Variants in TUSC3 observed in about 807,000 individuals in gnomAD.
TUSC3 encodes dolichyl-diphosphooligosaccharide--protein glycosyltransferase subunit TUSC3.
In TUSC3, 45 loss-of-function variants were observed where a neutral mutation model predicts 44.8. The ratio of observed to expected loss-of-function variants is 1.00; its 90% CI spans 0.79 to 1.29. The LOEUF (loss-of-function observed/expected upper bound fraction) is 1.29, where lower values mean the gene tolerates loss of function less well. TUSC3 is among the 50% of genes most tolerant of loss of function. The pLI is 0.00. For synonymous variants in TUSC3, 212 were observed against 152.9 expected (o/e 1.39, Z -2.85); for missense variants, 519 against 437.9 (o/e 1.19, Z -1.65).
intron 2 of TUSC3, among the ~76,000 whole-genome samples, chr8:15,640,883 G>A (rs1044886487): frequency 6.6e-6 from 1 of 152,108 alleles, no homozygotes; most frequent in African/African-American, 2.4e-5. Context: ...GGTTTTTCCT[G>A]TTAATCTGTG....
intron 5 of TUSC3, 132 bp downstream of exon 5, chr8:15,662,428 C>T (rs1464831834): frequency 1.5e-6 from 2 of 1,290,932 alleles, no homozygotes; most frequent in African/African-American, 1.5e-5. Flanking sequence ...CTTTTTAGAA[C>T]TTGGATAATT....
intron 1 of TUSC3, among the ~76,000 whole-genome samples, chr8:15,463,436 A>C (rs370586344): frequency 2.3e-4 from 35 of 152,126 alleles, no homozygotes; most frequent in Middle Eastern, 3.2e-3. Context: ...TTAAAAGATA[A>C]TGTTTATTAC....
intron 1 of TUSC3, among the ~76,000 whole-genome samples, chr8:15,574,788 A>T (rs1803026789): frequency 6.6e-6 from 1 of 152,114 alleles, no homozygotes; most frequent in Admixed American, 6.6e-5. Flanking sequence ...GCTAGATGTT[A>T]CTCTTTATGT....
chr8:15,741,589 A>T lies in TUSC3; in HGVS notation c.863-1949A>T, dbSNP rs147329465. Among the ~76,000 whole-genome samples, 531 of 152,192 alleles carry T rather than the reference A, an allele frequency of 3.5e-3. 1 individual carries two copies. Among genetic ancestry groups the T allele is most frequent in the Middle Eastern group, 0.014 (4 of 294 alleles). On this transcript the variant is annotated intron_variant, in intron 7 of 10. Coordinates refer to ENST00000503731, the MANE Select transcript of TUSC3 (RefSeq NM_006765.4). ...GATCTTCCAGCCACTCGAGACACTG[A>T]GGCATGAGAACCGCTTGAACCTGGG...
chr8:15,745,837 G>T (rs1162173662), intron 8 of TUSC3, among the ~76,000 whole-genome samples: 3 of 151,510 alleles, frequency 2.0e-5, no homozygotes, highest in African/African-American at 7.3e-5. Flanking sequence ...TGGAGACTTA[G>T]TAAAAAAAAT....
At chr8:15,574,893 C>G (rs565763515) in intron 1 of TUSC3, among the ~76,000 whole-genome samples, 129 of 152,178 alleles carry the variant, frequency 8.5e-4, no homozygotes, top group African/African-American at 2.9e-3. Context: ...TTTATACTTT[C>G]AATTATAAGG....
chr8:15,457,632 A>G (rs966256288), intron 1 of TUSC3, among the ~76,000 whole-genome samples: 7 of 150,522 alleles, frequency 4.7e-5, no homozygotes, highest in African/African-American at 1.7e-4. Flanking sequence ...AAAACCTGGT[A>G]ATAATTCAAA....
chr8:15,635,922 T>G (rs1806052606), intron 2 of TUSC3, among the ~76,000 whole-genome samples: 2 of 152,188 alleles, frequency 1.3e-5, no homozygotes, highest in Admixed American at 6.5e-5. Context: ...AGTGACCTCT[T>G]GGTGACTAGT....
chr8:15,765,719 A>C lies in TUSC3; in HGVS notation c.*1563A>C, dbSNP rs1401952424. ...CCTAGTTCATGTACTTAGATGAATA[A>C]ATTTAGTTTTGGAATGACGTTTATG... is the stretch of plus-strand genomic sequence containing the variant. On this transcript the variant is annotated 3_prime_UTR_variant, in exon 11 of 11. Coordinates refer to ENST00000503731, the MANE Select transcript of TUSC3 (RefSeq NM_006765.4). 6.6e-6 allele frequency: 1 copy of C among 152,056 alleles called. No individual in the cohort carries two copies. The highest frequency in any genetic ancestry group is 1.5e-5 in the Non-Finnish European group (1 of 67,950). The allele number at this position is 152,056 out of a possible 1,614,324, so 9.4% of individuals were successfully genotyped here.
At chr8:15,417,321 C>G (rs1041319155) in intron 1 of TUSC3, 7 of 152,430 alleles carry the variant, frequency 4.6e-5, no homozygotes, top group African/African-American at 1.7e-4. Context: ...TCAATTAAAC[C>G]TCTTTTCTTT....
chr8:15,615,396 G>C (rs1012398601), intron 1 of TUSC3, among the ~76,000 whole-genome samples: 47 of 152,154 alleles, frequency 3.1e-4, no homozygotes, highest in African/African-American at 1.1e-3. Context: ...TCATATGGGA[G>C]TTAAAAAGAA....
chr8:15,463,268 T>C (rs192011087), intron 1 of TUSC3, among the ~76,000 whole-genome samples: 1 of 152,124 alleles, frequency 6.6e-6, no homozygotes, highest in African/African-American at 2.4e-5. Flanking sequence ...TTGGGAAGAA[T>C]AAAAATATAT....
At chr8:15,576,491 G>T (rs1585117874) in intron 1 of TUSC3, among the ~76,000 whole-genome samples, 1 of 122,448 alleles carries the variant, frequency 8.2e-6, no homozygotes. Context: ...TCCCCAGAGT[G>T]TGATATTCCC....
At chr8:15,850,750 A>G in the TUSC3 span, among the ~76,000 whole-genome samples, 1 of 152,256 alleles carries the variant, frequency 6.6e-6, no homozygotes, top group Non-Finnish European at 1.5e-5. Flanking sequence ...AAAGAATTTT[A>G]AACAAAAATC....
At chr8:15,572,022 C>T (rs1234995929) in intron 1 of TUSC3, among the ~76,000 whole-genome samples, 2 of 152,082 alleles carry the variant, frequency 1.3e-5, no homozygotes, top group South Asian at 2.1e-4. Flanking sequence ...TTAGGCTTTT[C>T]GGAATGGTAA....
In TUSC3 at chr8:15,597,471, TTGTC is replaced by T. The variant is rs552956185; in HGVS notation, c.139-25607_139-25604del. 4.3e-4 allele frequency among the ~76,000 whole-genome samples: 65 copies of T among 152,266 alleles called. 1 individual carries two copies. Among genetic ancestry groups the T allele is most frequent in the Middle Eastern group, 3.4e-3 (1 of 294 alleles). On this transcript the variant is annotated intron_variant, in intron 1 of 10. Transcript: ENST00000503731. ...TTGAGAACATTGATGTATTTTTTCTTTGTCTTTCTTTAAATTATTGCCTTTGGCA... is the reference window on the plus strand; with the variant it reads ...TTGAGAACATTGATGTATTTTTTCTTTTTCTTTAAATTATTGCCTTTGGCA...
chr8:15,539,840 G>C (rs1311356781), upstream of TUSC3, among the ~76,000 whole-genome samples: 1 of 152,120 alleles, frequency 6.6e-6, no homozygotes, highest in Admixed American at 6.5e-5. Context: ...TTGTGAAGTT[G>C]TGGGGCGGCT....
the TUSC3 span, among the ~76,000 whole-genome samples, chr8:15,781,241 T>G: frequency 2.0e-5 from 3 of 152,110 alleles, no homozygotes; most frequent in Non-Finnish European, 2.9e-5. Context: ...AATAAATCAC[T>G]CACTCTCGGC....
chr8:15,508,789 A>G lies in TUSC3; in HGVS notation n.189+25306A>G, dbSNP rs562135587. On this transcript the variant is annotated intron_variant and non_coding_transcript_variant, in intron 2 of 5. Coordinates refer to the TUSC3 transcript ENST00000503191. ...AGCTTCCTTTTTAAGTGGAATAGGAAAAAAAGTAGGCATTAATAAAGATAA... is the reference window on the plus strand; with the variant it reads ...AGCTTCCTTTTTAAGTGGAATAGGAGAAAAAGTAGGCATTAATAAAGATAA... Among the ~76,000 whole-genome samples the G allele has an allele frequency of 1.4e-3, 207 of 152,284 alleles. 1 individual carries two copies. The highest frequency in any genetic ancestry group is 6.8e-3 in the Middle Eastern group (2 of 294).
Sources: allele counts gnomAD v4.1 joint callset (sites outside exome capture counted in the v4.1 genomes callset), GRCh38; gene constraint gnomAD v4.1.1; transcripts MANE v1.5; gene names NCBI Gene and HGNC (gene_info 2026-07-23, HGNC 2026-07-21).